LRRC42: variants seen among roughly 807,000 people sequenced by gnomAD.
The protein encoded by LRRC42 is leucine-rich repeat-containing protein 42.
A neutral mutation model predicts 44.3 loss-of-function variants in LRRC42; 43 were observed. The observed-to-expected ratio is 0.97, with a 90% CI of 0.76 to 1.25. The LOEUF is 1.25. Ranked by LOEUF, LRRC42 falls within the 50% of genes most tolerant of loss-of-function variation. The pLI is 0.00. For synonymous variants in LRRC42, 207 were observed against 195.2 expected, an observed-to-expected ratio of 1.06 and a Z score of -0.50; for missense variants, 540 against 509.1, an observed-to-expected ratio of 1.06 and a Z score of -0.58.
At position 53,966,440 on chromosome 1, in the gene LRRC42, C is replaced by T. The variant is rs556712782; in HGVS notation, c.1012+60C>T. On this transcript the variant is annotated intron_variant, in intron 8 of 8. Coordinates refer to ENST00000371370, the MANE Select transcript of LRRC42 (RefSeq NM_001256409.2). ...CTTTATTTGCATCCTTAAAGCAGTT[C>T]GCTTGTTTTCCCTCCTTGGAAAAAT... 4.4e-5 allele frequency: 52 copies of T among 1,180,980 alleles called. No homozygotes were observed. In the East Asian group the frequency reaches 6.8e-4, roughly 16 times the overall value. The allele number at this position is 1,180,980 out of a possible 1,614,324, so 73.2% of individuals were successfully genotyped here.
chr1:53,962,621 G>T (rs780558189), intron 7 of LRRC42, among the ~76,000 whole-genome samples: 8 of 152,140 alleles, frequency 5.3e-5, no homozygotes, highest in Non-Finnish European at 1.2e-4. Context: ...TGGTCACTAG[G>T]TTGTGCCTTA....
In LRRC42 at chr1:53,967,679, C is replaced by T. The variant is rs761214992; in HGVS notation, c.1027C>T (p.Arg343Ter). The T allele has an allele frequency of 6.2e-6, 10 of 1,613,940 alleles. No individual in the cohort carries two copies. The highest frequency in any genetic ancestry group is 2.2e-5 in the East Asian group (1 of 44,880). Reference protein sequence around the residue: ...AAQRFYGKRSRAEAPLKCPLA... With the variant: ...AAQRFYGKRS ...TTCTGTCACAGATGGGAAGCGGTCT[C>T]GAGCAGAAGCCCCACTGAAGTGTCC... Residue 343 changes from arginine to a stop codon, truncating the protein, a stop_gained, in exon 9 of 9, where the codon CGA (arginine) becomes TGA (stop). Coordinates refer to ENST00000371370, the MANE Select transcript of LRRC42 (RefSeq NM_001256409.2). LOFTEE classifies it high-confidence loss of function.
chr1:53,962,352 A>C lies in LRRC42; in HGVS notation c.870A>C (p.Lys290Asn). 1 of 1,614,226 alleles carries C rather than the reference A, an allele frequency of 6.2e-7. No individual in the cohort carries two copies. Among genetic ancestry groups the C allele is most frequent in the Non-Finnish European group, 8.5e-7 (1 of 1,180,028 alleles). The change falls in exon 7 of 9, where the codon AAA becomes AAC. Residue 290 changes from lysine to asparagine, a missense_variant. By Grantham distance (94) the Lys-to-Asn change is moderately conservative. Coordinates refer to ENST00000371370, the MANE Select transcript of LRRC42 (RefSeq NM_001256409.2). ...CCCACATAGGCCTTGTTCACTCCAA[A>C]GTGCCTTTGAAGGAATTTGATCATA... ...LQTHIGLVHS[K>N]VPLKEFDHSN...
At position 53,960,385 on chromosome 1, in the gene LRRC42, G is replaced by A. The variant is rs1267746463; in HGVS notation, c.635G>A (p.Cys212Tyr). Residue 212 changes from cysteine to tyrosine, a missense_variant, in exon 5 of 9, where the codon TGT becomes TAT. By Grantham distance (194) the Cys-to-Tyr change is radical (BLOSUM62 -2). Transcript: ENST00000371370. Reference protein sequence around the residue: ...SVTQLHLKDNCLSDAGVRKMT... With the variant: ...SVTQLHLKDNYLSDAGVRKMT... Reference sequence around the variant, plus strand: ...ACTCAGCTCCACCTGAAGGATAATTGTTTATCTGATGCTGGGGTGCGGAAG... The same window carrying A: ...ACTCAGCTCCACCTGAAGGATAATTATTTATCTGATGCTGGGGTGCGGAAG... 3.7e-6 allele frequency: 6 copies of A among 1,613,794 alleles called. No homozygotes were observed. The South Asian group carries it at 6.6e-5, about 18-fold the overall frequency.
chr1:53,948,749 A>G (rs938593103), intron 2 of LRRC42, among the ~76,000 whole-genome samples: 6 of 152,224 alleles, frequency 3.9e-5, no homozygotes, highest in African/African-American at 1.4e-4. Flanking sequence ...CATTTGTAAT[A>G]CACCACCCAG....
intron 2 of LRRC42, among the ~76,000 whole-genome samples, chr1:53,951,220 A>C (rs989247748): frequency 6.6e-6 from 1 of 152,234 alleles, no homozygotes; most frequent in Non-Finnish European, 1.5e-5. Context: ...AAAAATTCAT[A>C]ATTTTAATGG....
At chr1:53,967,330 A>G (rs1655153099) in intron 8 of LRRC42, among the ~76,000 whole-genome samples, 1 of 152,190 alleles carries the variant, frequency 6.6e-6, no homozygotes, top group Non-Finnish European at 1.5e-5. Flanking sequence ...CTTTATGTAC[A>G]TGATCTCATG....
At chr1:53,952,510 G>A (rs1465123724) in intron 3 of LRRC42, 38 bp downstream of exon 3, 25 of 1,526,092 alleles carry the variant, frequency 1.6e-5, no homozygotes, top group Non-Finnish European at 2.1e-5. Flanking sequence ...ATTTTATTGG[G>A]TGTGTTAATT....
At chr1:53,948,683 A>G (rs1368237352) in intron 2 of LRRC42, among the ~76,000 whole-genome samples, 2 of 152,138 alleles carry the variant, frequency 1.3e-5, no homozygotes, top group African/African-American at 4.8e-5. Flanking sequence ...TTAATTTTTC[A>G]ATTTGGATGG....
In LRRC42 at chr1:53,968,045, T is replaced by C. The variant is rs1446027287; in HGVS notation, c.*106T>C. The C allele has an allele frequency of 7.6e-6, 9 of 1,177,814 alleles. No individual in the cohort carries two copies. In the East Asian group the frequency reaches 1.6e-4, roughly 22 times the overall value. 73.0% of individuals were successfully genotyped at this position (1,177,814 alleles called of 1,614,324 possible). A position where few individuals can be genotyped will look rare whatever the true frequency, so the allele number is the denominator to read the frequency against. ...TTTGAATTTACCTATGGCATTAGCA[T>C]AGTAAGCAGATATTTCTACTTTTGT... On this transcript the variant is annotated 3_prime_UTR_variant, in exon 9 of 9. Transcript: ENST00000371370.
At chr1:53,956,425 T>C (rs2100923272) in intron 3 of LRRC42, among the ~76,000 whole-genome samples, 1 of 152,310 alleles carries the variant, frequency 6.6e-6, no homozygotes, top group South Asian at 2.1e-4. Context: ...GCCATGGAAT[T>C]TTAAAATATT....
At chr1:53,963,352 G>A (rs1655044531) in intron 7 of LRRC42, among the ~76,000 whole-genome samples, 1 of 152,214 alleles carries the variant, frequency 6.6e-6, no homozygotes, top group African/African-American at 2.4e-5. Flanking sequence ...GTGGATGTGG[G>A]ACAGGTGTGG....
At chr1:53,956,787 C>G (rs1411596530) in intron 3 of LRRC42, among the ~76,000 whole-genome samples, 3 of 152,108 alleles carry the variant, frequency 2.0e-5, no homozygotes, top group African/African-American at 4.8e-5. Context: ...TGCAGAGAAC[C>G]CTTGTTTCAG....
Position 53,958,137 on chromosome 1 carries a change from CA to C in LRRC42, c.474-11del. The C allele has an allele frequency of 6.2e-7, 1 of 1,613,124 alleles. No homozygotes were observed. Among genetic ancestry groups the C allele is most frequent in the South Asian group, 1.1e-5 (1 of 91,034 alleles). ...TGAGGGGAAGCTATTGATTGCTCTCCACGCTCCGTAGGTATCTCGTGATTTC... is the reference window on the plus strand; with the variant it reads ...TGAGGGGAAGCTATTGATTGCTCTCCCGCTCCGTAGGTATCTCGTGATTTC... On this transcript the variant is annotated splice_polypyrimidine_tract_variant and intron_variant, in intron 3 of 8. Coordinates refer to ENST00000371370, the MANE Select transcript of LRRC42 (RefSeq NM_001256409.2).
At chr1:53,951,890 T>A in intron 2 of LRRC42, 96 bp from the exon 3 acceptor site, 1 of 1,002,178 alleles carries the variant, frequency 1.0e-6, no homozygotes, top group Non-Finnish European at 1.4e-6. Flanking sequence ...CAGGCCTGCC[T>A]GGTAGGCTCA....
At position 53,960,364 on chromosome 1, in the gene LRRC42, A is replaced by G. The variant is rs146863254; in HGVS notation, c.614A>G (p.Gln205Arg). ...GTACTTTGTTTCCCTAGTGTAACTC[A>G]GCTCCACCTGAAGGATAATTGTTTA... ...LTNEALSSVTQLHLKDNCLSD... is the reference protein window; with the variant it reads ...LTNEALSSVTRLHLKDNCLSD... The change falls in exon 5 of 9, where the codon CAG becomes CGG. Residue 205 changes from glutamine (Q) to arginine (R), a missense_variant. Gln to Arg is a conservative substitution (Grantham distance 43). Coordinates refer to ENST00000371370, the MANE Select transcript of LRRC42 (RefSeq NM_001256409.2). 1 of 1,611,418 alleles carries G rather than the reference A, an allele frequency of 6.2e-7. No homozygotes were observed. Among genetic ancestry groups the G allele is most frequent in the Non-Finnish European group, 8.5e-7 (1 of 1,179,026 alleles).
rs1354090983 is a variant in LRRC42, at chr1:53,952,594, T to C, written c.473+122T>C. 7 of 741,814 alleles carry C rather than the reference T, an allele frequency of 9.4e-6. No individual in the cohort carries two copies. The African/African-American group carries it at 1.2e-4, about 13-fold the overall frequency. 46.0% of individuals were successfully genotyped at this position (741,814 alleles called of 1,614,324 possible). A position where few individuals can be genotyped will look rare whatever the true frequency, so the allele number is the denominator to read the frequency against. ...AGCACTTCAGTTTAGAACTTCCAAA[T>C]ATGAAGTAAAAGACCATATTGAAAA... On this transcript the variant is annotated intron_variant, in intron 3 of 8. Transcript: ENST00000371370.
Position 53,960,404 on chromosome 1 carries a change from G to A in LRRC42, c.654G>A (p.Val218=), listed in dbSNP as rs1000844235. Residue 218 remains valine, a synonymous_variant, in exon 5 of 9, where the codon GTG becomes GTA. Coordinates refer to ENST00000371370, the MANE Select transcript of LRRC42 (RefSeq NM_001256409.2). ...ATAATTGTTTATCTGATGCTGGGGT[G>A]CGGAAGATGACAGCACCAGTTCGAG... ...LKDNCLSDAG[V]RKMTAPVRVM... 1.9e-6 allele frequency: 3 copies of A among 1,614,058 alleles called. No individual in the cohort carries two copies. Among genetic ancestry groups the A allele is most frequent in the East Asian group, 2.2e-5 (1 of 44,888 alleles).
At position 53,967,863 on chromosome 1, in the gene LRRC42, A is replaced by G. The variant is rs373398870; in HGVS notation, c.1211A>G (p.Asn404Ser). 10 of 1,614,230 alleles carry G rather than the reference A, an allele frequency of 6.2e-6. No individual in the cohort carries two copies. The African/African-American group carries it at 6.7e-5, about 11-fold the overall frequency. ...RPFEESETEQ[N>S]NSSQPSKQKY... ...TTTGAGGAGTCAGAGACAGAACAGA[A>G]TAACTCTTCACAACCTTCAAAGCAG... Residue 404 changes from asparagine to serine, a missense_variant, in exon 9 of 9, where the codon AAT becomes AGT. By Grantham distance (46) the Asn-to-Ser change is conservative (BLOSUM62 1). Transcript: ENST00000371370.
Sources: gnomAD v4.1 joint callset for allele counts (sites outside exome capture counted in the v4.1 genomes callset) on GRCh38, gnomAD v4.1.1 for gene constraint, MANE v1.5 for transcripts, NCBI Gene and HGNC (gene_info 2026-07-23, HGNC 2026-07-21) for gene names.